The following FER1L6 variants were observed in gnomAD, a reference collection of about 807,000 sequenced individuals.
FER1L6 encodes the protein fer-1 like family member 6, also known as fer-1-like protein 6.
In FER1L6, 177 loss-of-function variants were observed where a neutral mutation model predicts 219.2. That is an observed-to-expected ratio of 0.81 (90% CI 0.71 to 0.91). The LOEUF (loss-of-function observed/expected upper bound fraction) is 0.91. Among genes scored for constraint, FER1L6 ranks in the 40% least tolerant of loss-of-function variants. The pLI is 0.00. For missense variants in FER1L6, 2,153 were observed against 2,259.9 expected (o/e 0.95, Z 0.96); for synonymous variants, 768 against 824.3 (o/e 0.93, Z 1.17).
At chr8:123,936,771 C>T (rs919132714) in intron 1 of FER1L6, among the ~76,000 whole-genome samples, 23 of 152,106 alleles carry the variant, frequency 1.5e-4, no homozygotes, top group African/African-American at 5.5e-4. Flanking sequence ...CTCGAGGGAG[C>T]CACTGACAAT....
chr8:123,873,865 T>G (rs1006472375), intron 1 of FER1L6, among the ~76,000 whole-genome samples: 1 of 152,194 alleles, frequency 6.6e-6, no homozygotes, highest in African/African-American at 2.4e-5. Flanking sequence ...ACCTTTCTGC[T>G]TCTGTCTTCT....
intron 30 of FER1L6, 145 bp downstream of exon 30, chr8:124,070,743 A>C: frequency 1.5e-6 from 1 of 657,230 alleles, no homozygotes; most frequent in East Asian, 3.4e-5. Context: ...AGAACTCCAC[A>C]AAACCTAGCC....
rs1236658459 is a variant in FER1L6, at chr8:123,859,633, G to T, written c.-8+7448G>T. The stretch of plus-strand genomic sequence containing the variant: ...AGTTACATATGTATACATGTACCAT[G>T]CTGGTGCGCTGCACCCACTAACTCG... On this transcript the variant is annotated intron_variant, in intron 1 of 40. Coordinates refer to ENST00000522917, the MANE Select transcript of FER1L6 (RefSeq NM_001039112.2). 2.1e-5 allele frequency among the ~76,000 whole-genome samples: 3 copies of T among 143,190 alleles called. No individual in the cohort carries two copies. The East Asian group carries it at 6.1e-4, about 29-fold the overall frequency. The allele number at this position is 143,190 out of a possible 152,430, so 93.9% of individuals were successfully genotyped here.
intron 18 of FER1L6, among the ~76,000 whole-genome samples, chr8:124,031,394 T>A (rs4311644): frequency 0.86 from 130,289 of 152,132 alleles, 55,994 homozygotes; most frequent in African/African-American, 0.9. Flanking sequence ...AAAAGGGTAT[T>A]ATCTAATGCT....
chr8:123,986,021 G>T, intron 11 of FER1L6, 47 bp from the exon 12 acceptor site: 1 of 1,069,918 alleles, frequency 9.3e-7, no homozygotes. Flanking sequence ...GCTTCCTAAT[G>T]AGAGAAAAAG....
chr8:123,917,575 CAT>C (rs1432285354), intron 1 of FER1L6, among the ~76,000 whole-genome samples: 1 of 152,212 alleles, frequency 6.6e-6, no homozygotes. Context: ...AAAGAAAAAA[CAT>C]AGCTCTACAG....
At chr8:123,865,753 TC>T in intron 1 of FER1L6, among the ~76,000 whole-genome samples, 1 of 151,418 alleles carries the variant, frequency 6.6e-6, no homozygotes. Flanking sequence ...TCCAGGTGCG[TC>T]CGTCACCCCT....
intron 1 of FER1L6, among the ~76,000 whole-genome samples, chr8:123,897,863 T>C (rs1218525974): frequency 6.6e-6 from 1 of 152,158 alleles, no homozygotes; most frequent in Non-Finnish European, 1.5e-5. Context: ...AGAAAATCAA[T>C]ATGTTAGGCT....
intron 1 of FER1L6, among the ~76,000 whole-genome samples, chr8:123,931,143 G>A (rs547742170): frequency 2.0e-5 from 3 of 152,256 alleles, no homozygotes; most frequent in South Asian, 2.1e-4. Flanking sequence ...TGCATTTTCC[G>A]CAGTATCTCT....
chr8:123,973,590 T>A, intron 7 of FER1L6, 78 bp downstream of exon 7: 1 of 1,044,340 alleles, frequency 9.6e-7, no homozygotes, highest in Non-Finnish European at 1.5e-6. Flanking sequence ...ATTCATTCAC[T>A]CACCTGTGTG....
intron 19 of FER1L6, chr8:124,036,451 A>C (rs1255052064): frequency 6.6e-6 from 1 of 152,200 alleles, no homozygotes; most frequent in Non-Finnish European, 1.5e-5. Context: ...TGATTTCTCA[A>C]ATCAACCCTG....
chr8:124,058,463 G>C (rs1820408591), intron 22 of FER1L6, among the ~76,000 whole-genome samples: 1 of 152,144 alleles, frequency 6.6e-6, no homozygotes, highest in South Asian at 2.1e-4. Context: ...TGGTTTTATA[G>C]GCCAGCAACC....
At position 124,015,062 on chromosome 8, in the gene FER1L6, G is replaced by A. The variant is rs547517339; in HGVS notation, c.1922+1531G>A. 5.3e-5 allele frequency among the ~76,000 whole-genome samples: 8 copies of A among 152,230 alleles called. No individual in the cohort carries two copies. The South Asian group carries it at 1.7e-3, about 32-fold the overall frequency. On this transcript the variant is annotated intron_variant, in intron 15 of 40. Transcript: ENST00000522917. ...GGCCACCCTCAATGCCTTGCCACGT[G>A]AGCCTCTCTAAGCTGCCTCTCATGA... is the stretch of plus-strand genomic sequence containing the variant.
intron 22 of FER1L6, among the ~76,000 whole-genome samples, chr8:124,056,170 T>C (rs1391432778): frequency 1.3e-5 from 2 of 152,164 alleles, no homozygotes; most frequent in African/African-American, 2.4e-5. Flanking sequence ...TACTTACAGG[T>C]TCTGAGGATT....
intron 12 of FER1L6, among the ~76,000 whole-genome samples, chr8:123,988,845 G>A (rs536430444): frequency 6.6e-6 from 1 of 152,100 alleles, no homozygotes; most frequent in South Asian, 2.1e-4. Context: ...TCTCTCTCTA[G>A]GACTCCCAGT....
chr8:124,100,488 T>C lies in FER1L6; in HGVS notation c.4884-609T>C, dbSNP rs537752389. On this transcript the variant is annotated intron_variant, in intron 37 of 40. Coordinates refer to ENST00000522917, the MANE Select transcript of FER1L6 (RefSeq NM_001039112.2). ...GTTAGATAACTTACCTATGTCTGCA[T>C]AGTAAGTGATACAGTCAGAGTTGGA... 5.3e-5 allele frequency among the ~76,000 whole-genome samples: 8 copies of C among 152,286 alleles called. No homozygotes were observed. In the East Asian group the frequency reaches 1.4e-3, roughly 26 times the overall value.
intron 1 of FER1L6, among the ~76,000 whole-genome samples, chr8:123,948,916 C>G (rs1814625764): frequency 6.6e-6 from 1 of 151,964 alleles, no homozygotes; most frequent in Admixed American, 6.6e-5. Context: ...CTCTGATTTG[C>G]AAAGATGGCT....
At chr8:123,854,513 G>A (rs957046387) in intron 1 of FER1L6, among the ~76,000 whole-genome samples, 2 of 152,226 alleles carry the variant, frequency 1.3e-5, no homozygotes, top group Non-Finnish European at 2.9e-5. Context: ...ATCACACTGT[G>A]TTTCTGAGTG....
chr8:124,014,120 A>T (rs1818069974), intron 15 of FER1L6, among the ~76,000 whole-genome samples: 1 of 152,198 alleles, frequency 6.6e-6, no homozygotes, highest in African/African-American at 2.4e-5. Context: ...TAACGTGCAC[A>T]GGGGAGAATC....
Sources: gnomAD v4.1 joint callset for allele counts (sites outside exome capture counted in the v4.1 genomes callset) on GRCh38, gnomAD v4.1.1 for gene constraint, MANE v1.5 for transcripts, NCBI Gene and HGNC (gene_info 2026-07-23, HGNC 2026-07-21) for gene names.